Variants in MICALL2 observed in about 807,000 individuals in gnomAD.
MICALL2 encodes MICAL-like protein 2.
A neutral mutation model predicts 91.1 loss-of-function variants in MICALL2; 111 were observed. The ratio of observed to expected loss-of-function variants is 1.22; its 90% CI spans 1.04 to 1.43. MICALL2 has a LOEUF of 1.43. MICALL2 is among the 40% of genes most tolerant of loss of function. MICALL2 has a pLI of 0.00. For synonymous variants in MICALL2, 694 were observed against 525.3 expected, an observed-to-expected ratio of 1.32 and a Z score of -4.39; for missense variants, 1,556 against 1,236.0, an observed-to-expected ratio of 1.26 and a Z score of -3.88.
intron 9 of MICALL2, chr7:1,439,388 A>C (rs1444981437): frequency 2.1e-5 from 5 of 232,650 alleles, no homozygotes; most frequent in Non-Finnish European, 4.1e-5. Flanking sequence ...GGGTACATGC[A>C]CCACATACAT....
At chr7:1,450,409 G>T in intron 1 of MICALL2, 121 bp from the exon 2 acceptor site, 1 of 812,670 alleles carries the variant, frequency 1.2e-6, no homozygotes, top group Non-Finnish European at 2.1e-6. Flanking sequence ...GGCTGTGAAG[G>T]AATGAGGTGG....
At position 1,438,790 on chromosome 7, in the gene MICALL2, A is replaced by C. The variant is rs201457194; in HGVS notation, c.2122+50T>G. 12 of 1,551,504 alleles carry C rather than the reference A, an allele frequency of 7.7e-6. No individual in the cohort carries two copies. In the Admixed American group the frequency reaches 9.0e-5, roughly 12 times the overall value. ...CAGCAGGCATTGCCTCCTCAGAGGA[A>C]GGCTCCCTTCACGTACACCCCAAAC... On this transcript the variant is annotated intron_variant, in intron 10 of 16. Transcript: ENST00000297508.
At position 1,437,464 on chromosome 7, in the gene MICALL2, CGGCCCCCAGACATCCTG is replaced by C. The variant is rs1780028907; in HGVS notation, c.2476+54_2476+70del. On this transcript the variant is annotated intron_variant, in intron 14 of 16. Coordinates refer to ENST00000297508, the MANE Select transcript of MICALL2 (RefSeq NM_182924.4). ...GGACAGTCAGGTGGCCTCACAGAGC[CGGCCCCCAGACATCCTG>C]GGCTCCGCGGCATCCCTGGCTGGGG... 91 of 1,363,780 alleles carry C rather than the reference CGGCCCCCAGACATCCTG, an allele frequency of 6.7e-5. 2 individuals are homozygous for C. The South Asian group carries it at 1.3e-3, about 19-fold the overall frequency. The allele number at this position is 1,363,780 out of a possible 1,614,324, so 84.5% of individuals were successfully genotyped here.
chr7:1,434,708 G>A (rs755991619), intron 16 of MICALL2, 36 bp from the exon 17 acceptor site: 40 of 1,516,138 alleles, frequency 2.6e-5, no homozygotes, highest in South Asian at 3.9e-5. Context: ...CGTGCTCAAC[G>A]CCGCAGCCGC....
chr7:1,445,290 T>C lies in MICALL2; in HGVS notation c.780A>G (p.Pro260=). The C allele has an allele frequency of 1.2e-6, 2 of 1,612,282 alleles. No individual in the cohort carries two copies. Among genetic ancestry groups the C allele is most frequent in the South Asian group, 1.1e-5 (1 of 91,072 alleles). ...TCCTGGAATCCACACCCATGGCCCCTGGCTGTCGGGGGACCAGACCCGTCA... is the reference window on the plus strand; with the variant it reads ...TCCTGGAATCCACACCCATGGCCCCCGGCTGTCGGGGGACCAGACCCGTCA... ...PKLTGLVPRQ[P]GAMGVDSRTS... Residue 260 remains proline (P), a synonymous_variant, in exon 6 of 17, where the codon CCA becomes CCG. Coordinates refer to ENST00000297508, the MANE Select transcript of MICALL2 (RefSeq NM_182924.4).
intron 1 of MICALL2, among the ~76,000 whole-genome samples, chr7:1,455,961 T>C (rs959212625): frequency 6.6e-6 from 1 of 151,898 alleles, no homozygotes; most frequent in Non-Finnish European, 1.5e-5. Context: ...TGCCTGTCCC[T>C]CACACGCGTT....
chr7:1,454,821 T>C (rs562222592), intron 1 of MICALL2, among the ~76,000 whole-genome samples: 4 of 152,136 alleles, frequency 2.6e-5, no homozygotes, highest in African/African-American at 9.6e-5. Flanking sequence ...AATAGTGGTG[T>C]CTCGGGGAGC....
intron 1 of MICALL2, among the ~76,000 whole-genome samples, chr7:1,454,895 C>T (rs908645306): frequency 2.6e-5 from 4 of 152,202 alleles, no homozygotes; most frequent in Admixed American, 2.0e-4. Flanking sequence ...GCCCCAGCCA[C>T]CCCCACTTCC....
chr7:1,449,767 C>T (rs750186320), intron 2 of MICALL2, among the ~76,000 whole-genome samples: 9 of 152,210 alleles, frequency 5.9e-5, no homozygotes, highest in Non-Finnish European at 1.3e-4. Flanking sequence ...CTGCAGCAGG[C>T]AAACTGAGGC....
In MICALL2 at chr7:1,445,198, G is replaced by A. The variant is rs150837160; in HGVS notation, c.872C>T (p.Ala291Val). Residue 291 changes from alanine (A) to valine (V), a missense_variant, in exon 6 of 17, where the codon GCG becomes GTG. Transcript: ENST00000297508. The stretch of plus-strand genomic sequence containing the variant: ...GGAAGCCCTGGCAGGCGAGTTGCCC[G>A]CAGCAGGCTCCCAGGCCGACGGTCT... ...KARPSAWEPA[A>V]GNSPARASVP... 2.4e-4 allele frequency: 378 copies of A among 1,597,834 alleles called. 1 individual carries two copies. The highest frequency in any genetic ancestry group is 1.5e-3 in the Middle Eastern group (9 of 6,062).
chr7:1,447,443 G>A, intron 4 of MICALL2, 132 bp downstream of exon 4: 1 of 601,862 alleles, frequency 1.7e-6, no homozygotes, highest in South Asian at 2.1e-5. Flanking sequence ...CTAAGGCTGA[G>A]CCCTGGACTG....
At position 1,438,209 on chromosome 7, in the gene MICALL2, G is replaced by A. The variant is rs781595862; in HGVS notation, c.2199C>T (p.Asp733=). The A allele has an allele frequency of 1.3e-5, 21 of 1,585,290 alleles. No individual in the cohort carries two copies. The South Asian group carries it at 2.4e-4, about 18-fold the overall frequency. The change falls in exon 12 of 17, where the codon GAC becomes GAT. Residue 733 remains aspartate (D), a synonymous_variant. Transcript: ENST00000297508. ...TVTSPVRLHP[D]YLSPEEIQRQ... ...TCTGTATCTCCTCCGGGGAGAGGTA[G>A]TCGGGGTGCAGCTGGGAACGGAGGG...
chr7:1,440,233 G>A (rs1780214022), intron 8 of MICALL2, 148 bp from the exon 9 acceptor site: 2 of 938,088 alleles, frequency 2.1e-6, no homozygotes, highest in African/African-American at 3.3e-5. Context: ...GACTACACCT[G>A]CTGGGACCCT....
intron 15 of MICALL2, among the ~76,000 whole-genome samples, chr7:1,436,219 G>C (rs887650588): frequency 2.6e-5 from 4 of 151,716 alleles, no homozygotes; most frequent in Non-Finnish European, 5.9e-5. Context: ...GTGAAACCCC[G>C]TCTCTACCAA....
At chr7:1,448,970 G>A (rs1385033982) in intron 2 of MICALL2, among the ~76,000 whole-genome samples, 2 of 152,238 alleles carry the variant, frequency 1.3e-5, no homozygotes, top group Admixed American at 6.5e-5. Context: ...CAGGACTGAG[G>A]TCACCAGGCC....
Position 1,436,795 on chromosome 7 carries a change from G to A in MICALL2, c.2538C>T (p.Ser846=). The A allele has an allele frequency of 6.2e-7, 1 of 1,608,790 alleles. No individual in the cohort carries two copies. Among genetic ancestry groups the A allele is most frequent in the African/African-American group, 1.3e-5 (1 of 74,756 alleles). ...CGATGTCACTGCGGTCGTTCACGGT[G>A]CTCACGTACTGCTCCAGCAGCTCCT... is the stretch of plus-strand genomic sequence containing the variant. The part of the protein sequence containing the change: ...REQELLEQYV[S]TVNDRSDIVD... Residue 846 remains serine, a synonymous_variant, in exon 15 of 17, where the codon AGC becomes AGT. Coordinates refer to ENST00000297508, the MANE Select transcript of MICALL2 (RefSeq NM_182924.4).
Position 1,440,586 on chromosome 7 carries a change from C to G in MICALL2, c.1805+5G>C, listed in dbSNP as rs754835833. The G allele has an allele frequency of 2.5e-6, 4 of 1,612,482 alleles. No homozygotes were observed. The Admixed American group carries it at 5.0e-5, about 20-fold the overall frequency. The stretch of plus-strand genomic sequence containing the variant: ...GGCCCTGGGCCAGCCCCACCCATCC[C>G]TAACCTCTCAGCTGGGCTTCTCCTG... On this transcript the variant is annotated splice_donor_5th_base_variant and intron_variant, in intron 8 of 16. Coordinates refer to ENST00000297508, the MANE Select transcript of MICALL2 (RefSeq NM_182924.4).
In MICALL2 at chr7:1,438,839, C is replaced by T; in HGVS notation, c.2122+1G>A. Reference sequence around the variant, plus strand: ...ACAGCAGCGGTGTCTCTGGGGCTGACCTGGTTTGCCCTGAAGGTGAGGTTT... The same window carrying T: ...ACAGCAGCGGTGTCTCTGGGGCTGATCTGGTTTGCCCTGAAGGTGAGGTTT... On this transcript the variant is annotated splice_donor_variant, in intron 10 of 16. Transcript: ENST00000297508. LOFTEE classifies it high-confidence loss of function. 1 of 1,600,586 alleles carries T rather than the reference C, an allele frequency of 6.2e-7. No homozygotes were observed.
rs372551191 is a variant in MICALL2 at position 1,438,796 on chromosome 7, C to T, written c.2122+44G>A. 3.1e-5 allele frequency: 48 copies of T among 1,558,102 alleles called. 2 individuals are homozygous for T. The Middle Eastern group carries it at 6.8e-4, about 22-fold the overall frequency. ...GCATTGCCTCCTCAGAGGAAGGCTC[C>T]CTTCACGTACACCCCAAACAGCAGC... is the stretch of plus-strand genomic sequence containing the variant. On this transcript the variant is annotated intron_variant, in intron 10 of 16. Transcript: ENST00000297508.
Sources: allele counts gnomAD v4.1 joint callset (sites outside exome capture counted in the v4.1 genomes callset), GRCh38; gene constraint gnomAD v4.1.1; transcripts MANE v1.5; gene names NCBI Gene and HGNC (gene_info 2026-07-23, HGNC 2026-07-21).